Variants in ABCB9 observed in about 807,000 individuals in gnomAD.
The protein encoded by ABCB9 is ABC-type oligopeptide transporter ABCB9.
In ABCB9, 36 loss-of-function variants were observed where a neutral mutation model predicts 62.0. The observed-to-expected ratio is 0.58, with a 90% CI of 0.45 to 0.77. The LOEUF (loss-of-function observed/expected upper bound fraction) is 0.77, where lower values mean the gene tolerates loss of function less well. Among genes scored for constraint, ABCB9 ranks in the 30% least tolerant of loss-of-function variants. ABCB9 has a pLI of 0.00. For missense variants in ABCB9, 943 were observed against 1,054.7 expected, an observed-to-expected ratio of 0.89 and a Z score of 1.47; for synonymous variants, 435 against 461.4, an observed-to-expected ratio of 0.94 and a Z score of 0.73.
downstream of ABCB9, chr12:122,928,969 T>C (rs976644131): frequency 2.0e-6 from 2 of 982,538 alleles, no homozygotes; most frequent in East Asian, 1.1e-4. Context: ...GATGAGGCAG[T>C]TGGCCCAAGT....
rs569256573 is a variant in ABCB9, at chr12:122,950,473, C to A, written c.694G>T (p.Val232Leu). ...MDQFSTAVVI[V>L]CLLAIGSSFA... ...TACCTGCCAATGGCCAGCAGGCACACGATGACGACAGCCGTGCTGAACTGA... is the reference window on the plus strand; with the variant it reads ...TACCTGCCAATGGCCAGCAGGCACAAGATGACGACAGCCGTGCTGAACTGA... Residue 232 changes from valine (V) to leucine (L), a missense_variant, in exon 3 of 12, where the codon GTG (valine) becomes TTG (leucine). Coordinates refer to ENST00000280560, the MANE Select transcript of ABCB9 (RefSeq NM_019625.4). The A allele has an allele frequency of 6.2e-7, 1 of 1,612,222 alleles. No homozygotes were observed. Among genetic ancestry groups the A allele is most frequent in the Non-Finnish European group, 8.5e-7 (1 of 1,179,790 alleles).
intron 10 of ABCB9, among the ~76,000 whole-genome samples, chr12:122,933,459 C>A (rs1019581753): frequency 1.3e-5 from 2 of 151,610 alleles, no homozygotes; most frequent in Admixed American, 1.3e-4. Context: ...GAGGCCGAGG[C>A]AAGAGAATCA....
At chr12:122,919,989 C>T (rs1400032792), downstream of ABCB9, among the ~76,000 whole-genome samples, 1 of 151,972 alleles carries the variant, frequency 6.6e-6, no homozygotes, top group Non-Finnish European at 1.5e-5. Flanking sequence ...TCACTGCCAC[C>T]TCTGCCTCCC....
At chr12:122,965,844 ACTGAGAAAAGGG>A (rs2037143984) in intron 1 of ABCB9, among the ~76,000 whole-genome samples, 1 of 151,864 alleles carries the variant, frequency 6.6e-6, no homozygotes. Context: ...TGCTGAGGAG[ACTGAGAAAAGGG>A]CTTTGCCCAG....
intron 11 of ABCB9, among the ~76,000 whole-genome samples, chr12:122,922,391 T>C (rs927730936): frequency 2.0e-5 from 3 of 152,234 alleles, no homozygotes; most frequent in African/African-American, 7.2e-5. Context: ...ATGGACTTCA[T>C]TGTTTTGAGA....
At chr12:122,919,881 G>GTTTGTTTGTTTATTTA (rs1555268630), downstream of ABCB9, among the ~76,000 whole-genome samples, 3 of 138,814 alleles carry the variant, frequency 2.2e-5, no homozygotes, top group African/African-American at 8.6e-5. Context: ...CTGTTTGTTT[G>GTTTGTTTGTTTATTTA]TTTATTTATT....
At chr12:122,920,787 C>A (rs1345960557), downstream of ABCB9, among the ~76,000 whole-genome samples, 2 of 151,514 alleles carry the variant, frequency 1.3e-5, no homozygotes, top group African/African-American at 4.9e-5. Context: ...GTGGCACATG[C>A]CTGTAGTCCC....
chr12:122,927,779 AG>A (rs546654977), downstream of ABCB9, among the ~76,000 whole-genome samples: 19 of 152,274 alleles, frequency 1.2e-4, no homozygotes, highest in South Asian at 3.7e-3. Flanking sequence ...AGAGATGCAC[AG>A]GCTGGAGACC....
intron 2 of ABCB9, among the ~76,000 whole-genome samples, chr12:122,954,827 C>A (rs1222869356): frequency 6.6e-6 from 1 of 152,190 alleles, no homozygotes; most frequent in African/African-American, 2.4e-5. Flanking sequence ...AGATACTCAA[C>A]CCTAAAACTA....
downstream of ABCB9, among the ~76,000 whole-genome samples, chr12:122,927,924 T>A (rs1281026152): frequency 6.6e-6 from 1 of 152,218 alleles, no homozygotes. Context: ...GCTAAGTCTC[T>A]GAAAACTTAA....
chr12:122,950,634 C>G (rs891159898), intron 2 of ABCB9, 69 bp from the exon 3 acceptor site: 1 of 1,274,392 alleles, frequency 7.8e-7, no homozygotes, highest in Admixed American at 2.0e-5. Context: ...TCCTGAGGCT[C>G]CAGAAGTCCA....
chr12:122,941,593 G>A (rs1224274569), intron 7 of ABCB9, among the ~76,000 whole-genome samples: 1 of 152,068 alleles, frequency 6.6e-6, no homozygotes, highest in Non-Finnish European at 1.5e-5. Flanking sequence ...ACAGGCATGA[G>A]TCACCAGACA....
At position 122,929,187 on chromosome 12, in the gene ABCB9, T is replaced by C. The variant is rs988444758; in HGVS notation, c.*724A>G. 1.1e-6 allele frequency: 1 copy of C among 879,918 alleles called. No individual in the cohort carries two copies. Among genetic ancestry groups the C allele is most frequent in the Non-Finnish European group, 1.3e-6 (1 of 753,648 alleles). 54.5% of individuals were successfully genotyped at this position (879,918 alleles called of 1,614,324 possible). The stretch of plus-strand genomic sequence containing the variant: ...GGGGAGGGAGGCTGCCAGCCAGGGG[T>C]GGGTGGACGAGGGGCGAAAGCGCTG... On this transcript the variant is annotated 3_prime_UTR_variant, in exon 12 of 12. Transcript: ENST00000280560. This position sits in a 1 kb window ranked among gnomAD's most constrained non-coding sequence, Gnocchi z 6.0.
chr12:122,953,450 C>T (rs1315393413), intron 2 of ABCB9, among the ~76,000 whole-genome samples: 1 of 151,882 alleles, frequency 6.6e-6, no homozygotes, highest in Non-Finnish European at 1.5e-5. Flanking sequence ...TGTATTGGCA[C>T]GATTTCAGCT....
intron 7 of ABCB9, among the ~76,000 whole-genome samples, chr12:122,943,455 C>T (rs1341009446): frequency 1.3e-5 from 2 of 152,126 alleles, no homozygotes; most frequent in African/African-American, 2.4e-5. Flanking sequence ...GAAGTCAGGC[C>T]CGGCTGGCCC....
At chr12:122,920,824 G>T, downstream of ABCB9, 1 of 512,750 alleles carries the variant, frequency 2.0e-6, no homozygotes. Context: ...GAGGTGGGAG[G>T]CTCACTGGAG....
Position 122,959,527 on chromosome 12 carries a change from T to G in ABCB9, c.601+108A>C. ...TGCCTGGCCTCTTTTCCTTTTCATA[T>G]CAATTTGATGTCTGAACCACGTAAG... On this transcript the variant is annotated intron_variant, in intron 2 of 11. Coordinates refer to ENST00000280560, the MANE Select transcript of ABCB9 (RefSeq NM_019625.4). This position sits in a 1 kb window ranked among gnomAD's most constrained non-coding sequence, Gnocchi z 5.4. The G allele has an allele frequency of 6.7e-7, 1 of 1,487,422 alleles. No homozygotes were observed. Among genetic ancestry groups the G allele is most frequent in the Non-Finnish European group, 9.0e-7 (1 of 1,114,424 alleles). 92.1% of individuals were successfully genotyped at this position (1,487,422 alleles called of 1,614,324 possible).
chr12:122,950,432 T>C lies in ABCB9; in HGVS notation c.716+19A>G, dbSNP rs1294654780. ...AGGTCGGGGTGTGCGGGGCAGGGCG[T>C]GGGGGTTGAGCCAGCTACCTGCCAA... On this transcript the variant is annotated intron_variant, in intron 3 of 11. Transcript: ENST00000280560. The C allele has an allele frequency of 3.1e-6, 5 of 1,598,388 alleles. No homozygotes were observed. In the Admixed American group the frequency reaches 5.1e-5, roughly 16 times the overall value.
intron 1 of ABCB9, among the ~76,000 whole-genome samples, chr12:122,965,489 G>A (rs2037123428): frequency 1.3e-5 from 2 of 152,340 alleles, no homozygotes; most frequent in South Asian, 4.1e-4. Context: ...GGTCCATCCT[G>A]ATTTCATCCC....
Sources: gnomAD v4.1 joint callset for allele counts (sites outside exome capture counted in the v4.1 genomes callset) on GRCh38, gnomAD v4.1.1 for gene constraint, Gnocchi (gnomAD v3.1) non-coding constraint, MANE v1.5 for transcripts, NCBI Gene and HGNC (gene_info 2026-07-23, HGNC 2026-07-21) for gene names.